Variants in TAOK3 observed in about 807,000 individuals in gnomAD.
TAOK3 encodes serine/threonine-protein kinase TAO3.
A neutral mutation model predicts 120.4 loss-of-function variants in TAOK3; 40 were observed. The ratio of observed to expected loss-of-function variants is 0.33; its 90% CI spans 0.26 to 0.43. TAOK3 has a LOEUF of 0.43. Among genes scored for constraint, TAOK3 ranks in the 20% least tolerant of loss-of-function variants. The pLI, the probability that TAOK3 is intolerant of heterozygous loss-of-function variation, is 1.00. For missense variants in TAOK3, 821 were observed against 1,112.1 expected (o/e 0.74, Z 3.72); for synonymous variants, 355 against 387.5 (o/e 0.92, Z 0.99).
chr12:118,360,673 C>G (rs1405820261), intron 1 of TAOK3, among the ~76,000 whole-genome samples: 1 of 150,394 alleles, frequency 6.6e-6, no homozygotes, highest in African/African-American at 2.5e-5. Context: ...CAATAATGAA[C>G]AAAATAAAGT....
At chr12:118,218,851 G>T (rs546577983) in intron 9 of TAOK3, among the ~76,000 whole-genome samples, 2 of 152,278 alleles carry the variant, frequency 1.3e-5, no homozygotes, top group South Asian at 4.1e-4. Flanking sequence ...CTACTTGGGA[G>T]GCTGAGGCAG....
At chr12:118,182,964 A>AT (rs1308323062) in intron 14 of TAOK3, among the ~76,000 whole-genome samples, 1 of 151,874 alleles carries the variant, frequency 6.6e-6, no homozygotes, top group Non-Finnish European at 1.5e-5. Flanking sequence ...ATCTTTTGTG[A>AT]TTTTTCCAGT....
chr12:118,152,414 G>T lies in TAOK3; in HGVS notation c.2353-5C>A. On this transcript the variant is annotated splice_polypyrimidine_tract_variant and splice_region_variant and intron_variant, in intron 19 of 20. Transcript: ENST00000392533. ...TTGAGCCTCATCTAGCCGTAACTGC[G>T]GACACAGAAGACACACACGGTCATG... 1 of 1,607,300 alleles carries T rather than the reference G, an allele frequency of 6.2e-7. No homozygotes were observed. Among genetic ancestry groups the T allele is most frequent in the Non-Finnish European group, 8.5e-7 (1 of 1,177,762 alleles).
chr12:118,151,028 G>A lies in TAOK3; in HGVS notation c.2666C>T (p.Thr889Ile). 6.3e-7 allele frequency: 1 copy of A among 1,578,994 alleles called. No individual in the cohort carries two copies. The highest frequency in any genetic ancestry group is 8.6e-7 in the Non-Finnish European group (1 of 1,164,592). ...GTAGTCCTCCTTAGGAAAATCTAAT[G>A]TAACCAAATTCCCAAATCCCATTCT... The part of the protein sequence containing the change: ...SLRMGFGNLV[T>I]LDFPKEDYR The change falls in exon 21 of 21, where the codon ACA becomes ATA. Residue 889 changes from threonine to isoleucine, a missense_variant. Coordinates refer to ENST00000392533, the MANE Select transcript of TAOK3 (RefSeq NM_016281.4).
chr12:118,312,804 G>A (rs560573445), intron 1 of TAOK3, among the ~76,000 whole-genome samples: 1 of 152,250 alleles, frequency 6.6e-6, no homozygotes, highest in East Asian at 1.9e-4. Context: ...TTTGGCTACT[G>A]AGTAACACCG....
chr12:118,367,067 C>CA (rs919772334), intron 1 of TAOK3, among the ~76,000 whole-genome samples: 3 of 151,752 alleles, frequency 2.0e-5, no homozygotes, highest in African/African-American at 4.8e-5. Flanking sequence ...AAAACAACAA[C>CA]AAAAAAAATG....
intron 19 of TAOK3, among the ~76,000 whole-genome samples, chr12:118,155,062 C>G (rs185254753): frequency 2.4e-4 from 36 of 152,080 alleles, no homozygotes; most frequent in Non-Finnish European, 4.4e-4. Flanking sequence ...GTGGTGTGAT[C>G]TCAGCTCACT....
intron 11 of TAOK3, among the ~76,000 whole-genome samples, chr12:118,211,162 T>C (rs1054873635): frequency 1.9e-4 from 29 of 152,210 alleles, no homozygotes; most frequent in African/African-American, 6.8e-4. Flanking sequence ...CAGTAAATAT[T>C]TGTTGAATAA....
chr12:118,201,348 A>T lies in TAOK3; in HGVS notation c.935T>A (p.Leu312His). ...NLQYRKMKKI[L>H]FQETRNGPLN... The stretch of plus-strand genomic sequence containing the variant: ...GGGTCCATTCCGTGTCTCTTGGAAA[A>T]GTATTTTTTTCATTTTTCGGTACTG... Residue 312 changes from leucine to histidine, a missense_variant, in exon 12 of 21, where the codon CTT (leucine) becomes CAT (histidine). By Grantham distance (99) the Leu-to-His change is moderately conservative (BLOSUM62 -3). Coordinates refer to ENST00000392533, the MANE Select transcript of TAOK3 (RefSeq NM_016281.4). 1 of 1,614,000 alleles carries T rather than the reference A, an allele frequency of 6.2e-7. No homozygotes were observed. Among genetic ancestry groups the T allele is most frequent in the Non-Finnish European group, 8.5e-7 (1 of 1,179,926 alleles).
At chr12:118,185,352 C>T (rs1668514754) in intron 14 of TAOK3, among the ~76,000 whole-genome samples, 2 of 152,130 alleles carry the variant, frequency 1.3e-5, no homozygotes, top group Admixed American at 1.3e-4. Flanking sequence ...CAGAGTGTCC[C>T]TACTGTGTAC....
chr12:118,260,140 T>C (rs984502838), intron 2 of TAOK3, among the ~76,000 whole-genome samples: 2 of 152,138 alleles, frequency 1.3e-5, no homozygotes, highest in Admixed American at 1.3e-4. Flanking sequence ...ATCTATTTTT[T>C]ATTTGTGAGA....
chr12:118,254,409 G>C (rs1333334645), intron 3 of TAOK3, among the ~76,000 whole-genome samples: 1 of 152,080 alleles, frequency 6.6e-6, no homozygotes, highest in Admixed American at 6.6e-5. Context: ...CGATGAACAA[G>C]ATAGACATAA....
chr12:118,335,748 G>A (rs2044343388), intron 1 of TAOK3, among the ~76,000 whole-genome samples: 2 of 152,108 alleles, frequency 1.3e-5, no homozygotes, highest in Non-Finnish European at 2.9e-5. Flanking sequence ...AGAATTGCTT[G>A]GACCCAGGAG....
At chr12:118,253,298 A>C (rs1315076062) in intron 3 of TAOK3, among the ~76,000 whole-genome samples, 1 of 152,230 alleles carries the variant, frequency 6.6e-6, no homozygotes, top group Non-Finnish European at 1.5e-5. Context: ...AACATAAAGG[A>C]CCACTTAAAA....
intron 1 of TAOK3, among the ~76,000 whole-genome samples, chr12:118,317,091 C>T (rs7968965): frequency 0.014 from 2,067 of 151,846 alleles, 47 homozygotes; most frequent in African/African-American, 0.047. Context: ...GGCGAAGCCC[C>T]GTCTCTATTA....
intron 1 of TAOK3, chr12:118,297,110 A>C (rs2042712136): frequency 1.3e-5 from 2 of 152,182 alleles, no homozygotes; most frequent in Non-Finnish European, 2.9e-5. Context: ...AGAATTTTTT[A>C]AAGGATGGAT....
At chr12:118,348,462 T>A (rs1341590547) in intron 1 of TAOK3, among the ~76,000 whole-genome samples, 1 of 152,004 alleles carries the variant, frequency 6.6e-6, no homozygotes, top group Non-Finnish European at 1.5e-5. Flanking sequence ...TTCTTTTTTT[T>A]TTTTTTGAGA....
intron 1 of TAOK3, among the ~76,000 whole-genome samples, chr12:118,273,639 AC>A (rs1413749368): frequency 6.6e-6 from 1 of 152,054 alleles, no homozygotes; most frequent in Non-Finnish European, 1.5e-5. Context: ...ACATGGTAAA[AC>A]CCGTCTCTAC....
chr12:118,189,801 G>T lies in TAOK3; in HGVS notation c.1329+6C>A, dbSNP rs956475262. 1 of 1,613,992 alleles carries T rather than the reference G, an allele frequency of 6.2e-7. No homozygotes were observed. The highest frequency in any genetic ancestry group is 1.3e-5 in the African/African-American group (1 of 74,916). ...AGGGAAGGTGGGTAGAGGGGTGTTT[G>T]CTTACCAAAGATGCTGATTTGATCG... On this transcript the variant is annotated splice_donor_region_variant and intron_variant, in intron 14 of 20. Coordinates refer to ENST00000392533, the MANE Select transcript of TAOK3 (RefSeq NM_016281.4).
Sources: gnomAD v4.1 joint callset for allele counts (sites outside exome capture counted in the v4.1 genomes callset) on GRCh38, gnomAD v4.1.1 for gene constraint, MANE v1.5 for transcripts, NCBI Gene and HGNC (gene_info 2026-07-23, HGNC 2026-07-21) for gene names.